NRXN1: variants seen among roughly 807,000 people sequenced by gnomAD.
The protein encoded by NRXN1 is neurexin-1.
NRXN1 carries 39 observed loss-of-function variants against 150.9 expected under a neutral mutation model. The observed-to-expected ratio is 0.26, with a 90% CI of 0.20 to 0.34. The LOEUF (loss-of-function observed/expected upper bound fraction) is 0.34, where lower values mean the gene tolerates loss of function less well. Among genes scored for constraint, NRXN1 ranks in the 10% least tolerant of loss-of-function variants. The pLI is 1.00. For missense variants in NRXN1, 1,815 were observed against 1,949.9 expected, an observed-to-expected ratio of 0.93 and a Z score of 1.30; for synonymous variants, 924 against 757.0, an observed-to-expected ratio of 1.22 and a Z score of -3.62.
intron 18 of NRXN1, among the ~76,000 whole-genome samples, chr2:50,144,935 T>C (rs10203599): frequency 0.33 from 49,364 of 151,498 alleles, 8,542 homozygotes; most frequent in Non-Finnish European, 0.38. Flanking sequence ...AATTATATTT[T>C]AGTTATTCAC....
At chr2:50,957,905 T>C (rs1339609264) in intron 2 of NRXN1, among the ~76,000 whole-genome samples, 1 of 152,052 alleles carries the variant, frequency 6.6e-6, no homozygotes, top group Non-Finnish European at 1.5e-5. Flanking sequence ...CTGAGAACAG[T>C]GGAGAATATT....
intron 17 of NRXN1, among the ~76,000 whole-genome samples, chr2:50,318,783 T>A (rs535915440): frequency 6.6e-6 from 1 of 152,194 alleles, no homozygotes; most frequent in African/African-American, 2.4e-5. Flanking sequence ...AAGAAGATTA[T>A]AAACACAAAA....
At chr2:50,645,359 AC>A (rs1684672370) in intron 5 of NRXN1, among the ~76,000 whole-genome samples, 1 of 152,046 alleles carries the variant, frequency 6.6e-6, no homozygotes, top group Non-Finnish European at 1.5e-5. Context: ...AATAAATAAT[AC>A]AAGAATGTAT....
intron 17 of NRXN1, among the ~76,000 whole-genome samples, chr2:50,263,169 C>T (rs905437223): frequency 1.8e-5 from 1 of 55,622 alleles, no homozygotes; most frequent in Non-Finnish European, 4.1e-5. Flanking sequence ...CACACACACA[C>T]ACACACACAC....
At chr2:50,868,187 A>ATATATATG (rs1445257364) in intron 5 of NRXN1, among the ~76,000 whole-genome samples, 4 of 90,930 alleles carry the variant, frequency 4.4e-5, no homozygotes, top group South Asian at 3.5e-4. Context: ...ATATATATAT[A>ATATATATG]TGCATACACA....
chr2:50,154,634 A>C (rs772093284), intron 18 of NRXN1, among the ~76,000 whole-genome samples: 2 of 151,734 alleles, frequency 1.3e-5, no homozygotes, highest in Non-Finnish European at 3.0e-5. Context: ...AGGCTCCTAT[A>C]GTTAAAAACA....
chr2:50,330,143 G>T (rs185250177), intron 17 of NRXN1, among the ~76,000 whole-genome samples: 1 of 151,918 alleles, frequency 6.6e-6, no homozygotes, highest in East Asian at 1.9e-4. Flanking sequence ...TTTTAAAAAG[G>T]TTGCAATACA....
chr2:50,722,960 C>T (rs1696871438), intron 5 of NRXN1, among the ~76,000 whole-genome samples: 1 of 152,066 alleles, frequency 6.6e-6, no homozygotes, highest in Admixed American at 6.5e-5. Context: ...AGGCCTCTCA[C>T]ACTTGGGATG....
At chr2:50,196,089 C>T (rs931767953) in intron 18 of NRXN1, among the ~76,000 whole-genome samples, 1 of 152,040 alleles carries the variant, frequency 6.6e-6, no homozygotes, top group Non-Finnish European at 1.5e-5. Context: ...TTAGGCCCAA[C>T]ATGCATAAAC....
At chr2:50,779,936 C>G (rs575554566) in intron 5 of NRXN1, among the ~76,000 whole-genome samples, 1 of 152,138 alleles carries the variant, frequency 6.6e-6, no homozygotes, top group Non-Finnish European at 1.5e-5. Context: ...CCCTGAGGAA[C>G]CACCACACTG....
intron 5 of NRXN1, among the ~76,000 whole-genome samples, chr2:50,870,259 T>C (rs573905105): frequency 5.9e-5 from 9 of 152,060 alleles, no homozygotes; most frequent in African/African-American, 2.2e-4. Flanking sequence ...ATAGGTTTAA[T>C]CTTTTAAACT....
rs553860107 is a variant in NRXN1, at chr2:51,002,392, G to A, written c.772+25110C>T. Among the ~76,000 whole-genome samples, 27 of 152,002 alleles carry A rather than the reference G, an allele frequency of 1.8e-4. No homozygotes were observed. The South Asian group carries it at 3.5e-3, about 20-fold the overall frequency. ...TCTCTTCATCAAATGACATGCTTTC[G>A]TAGAAAACAGAATCTTATTCAATAT... is the stretch of plus-strand genomic sequence containing the variant. On this transcript the variant is annotated intron_variant, in intron 2 of 22. Transcript: ENST00000401669.
intron 17 of NRXN1, among the ~76,000 whole-genome samples, chr2:50,238,371 C>T (rs1034328511): frequency 2.0e-5 from 3 of 151,974 alleles, no homozygotes; most frequent in Non-Finnish European, 4.4e-5. Flanking sequence ...CGTTGTTTCT[C>T]CAGTTGTCAG....
intron 19 of NRXN1, among the ~76,000 whole-genome samples, chr2:50,085,326 C>T (rs188048142): frequency 1.3e-5 from 2 of 152,242 alleles, no homozygotes; most frequent in East Asian, 1.9e-4. Context: ...TTGTTAGACT[C>T]TACTCAAAAT....
At chr2:50,596,755 C>T (rs913818975) in intron 8 of NRXN1, among the ~76,000 whole-genome samples, 1 of 152,080 alleles carries the variant, frequency 6.6e-6, no homozygotes, top group Non-Finnish European at 1.5e-5. Context: ...TTCAGGAGCC[C>T]CACCTGACAT....
At chr2:50,789,420 GTAAC>G (rs1705623850) in intron 5 of NRXN1, among the ~76,000 whole-genome samples, 2 of 152,240 alleles carry the variant, frequency 1.3e-5, no homozygotes, top group African/African-American at 2.4e-5. Context: ...AATCACAACT[GTAAC>G]TAACTCCTAC....
chr2:50,599,878 G>A (rs907976043), intron 8 of NRXN1, among the ~76,000 whole-genome samples: 34 of 152,156 alleles, frequency 2.2e-4, no homozygotes, highest in African/African-American at 8.2e-4. Context: ...AGTTGATGGG[G>A]TGGATTTTAG....
intron 17 of NRXN1, among the ~76,000 whole-genome samples, chr2:50,411,772 G>A (rs1416585296): frequency 6.6e-6 from 1 of 152,176 alleles, no homozygotes; most frequent in African/African-American, 2.4e-5. Context: ...CATCTGGGAA[G>A]TGAGGAGCCC....
chr2:50,487,790 C>G (rs573081559), intron 15 of NRXN1, among the ~76,000 whole-genome samples: 1 of 152,300 alleles, frequency 6.6e-6, no homozygotes, highest in Admixed American at 6.5e-5. Flanking sequence ...TAACATTGCC[C>G]AGATGTCAGC....
Sources: allele counts gnomAD v4.1 joint callset (sites outside exome capture counted in the v4.1 genomes callset), GRCh38; gene constraint gnomAD v4.1.1; transcripts MANE v1.5; gene names NCBI Gene and HGNC (gene_info 2026-07-23, HGNC 2026-07-21).